The following HSPA12A variants were observed in gnomAD, a reference collection of about 807,000 sequenced individuals.
HSPA12A encodes heat shock protein family A (Hsp70) member 12A.
HSPA12A carries 28 observed loss-of-function variants against 69.2 expected under a neutral mutation model. The ratio of observed to expected loss-of-function variants is 0.40; its 90% CI spans 0.30 to 0.55. The LOEUF (loss-of-function observed/expected upper bound fraction) is 0.55. Ranked by LOEUF, HSPA12A falls within the 20% of genes least tolerant of loss-of-function variation. The probability of loss-of-function intolerance (pLI) is 0.38; values close to 1 mark genes in which losing one functional copy is unlikely to be tolerated. For synonymous variants in HSPA12A, 345 were observed against 370.5 expected, an observed-to-expected ratio of 0.93 and a Z score of 0.79; for missense variants, 686 against 900.7, an observed-to-expected ratio of 0.76 and a Z score of 3.05.
intron 2 of HSPA12A, among the ~76,000 whole-genome samples, chr10:116,754,361 G>C (rs1466824351): frequency 6.6e-6 from 1 of 152,168 alleles, no homozygotes; most frequent in Non-Finnish European, 1.5e-5. Flanking sequence ...CAAAAGATTT[G>C]TTATTTTCTA....
At chr10:116,847,179 G>A (rs757923321) in intron 1 of HSPA12A, among the ~76,000 whole-genome samples, 3 of 152,104 alleles carry the variant, frequency 2.0e-5, no homozygotes, top group South Asian at 2.1e-4. Flanking sequence ...TCCTATTTCC[G>A]TTAACTATCA....
At chr10:116,719,532 G>A (rs192921373) in intron 1 of HSPA12A, among the ~76,000 whole-genome samples, 27 of 152,258 alleles carry the variant, frequency 1.8e-4, no homozygotes, top group Middle Eastern at 3.4e-3. Context: ...ACAGGATCAG[G>A]TTTTCCATGC....
upstream of HSPA12A, among the ~76,000 whole-genome samples, chr10:116,746,836 G>A (rs1851660447): frequency 6.6e-6 from 1 of 152,034 alleles, no homozygotes; most frequent in Non-Finnish European, 1.5e-5. Flanking sequence ...TTATGTTTTT[G>A]TTAAGCTTAA....
upstream of HSPA12A, chr10:116,849,758 TC>T: frequency 6.8e-7 from 1 of 1,476,330 alleles, no homozygotes; most frequent in Non-Finnish European, 9.0e-7. Context: ...AGCGCTCTCC[TC>T]CCGCCAACCC....
chr10:116,734,519 T>C (rs200835577), intron 1 of HSPA12A, among the ~76,000 whole-genome samples: 1 of 151,436 alleles, frequency 6.6e-6, no homozygotes, highest in East Asian at 1.9e-4. Context: ...CATTTTCTTA[T>C]AGGGACAATG....
intron 2 of HSPA12A, among the ~76,000 whole-genome samples, chr10:116,786,981 C>T (rs941383387): frequency 1.1e-5 from 1 of 88,906 alleles, no homozygotes; most frequent in Admixed American, 1.5e-4. Context: ...AATCACCTCC[C>T]GGACACACAC....
rs138199223 is a variant in HSPA12A, at chr10:116,755,027, C to G, written c.92-47742G>C. Among the ~76,000 whole-genome samples, 25 of 152,226 alleles carry G rather than the reference C, an allele frequency of 1.6e-4. No individual in the cohort carries two copies. The East Asian group carries it at 4.5e-3, about 27-fold the overall frequency. On this transcript the variant is annotated intron_variant, in intron 2 of 12. Transcript: ENST00000635765. ...GGAGTGCAGTGGCACGATCTTAGCT[C>G]CCTGCAGCCTTTGCCTCCCATGTTC...
At chr10:116,700,153 A>T (rs1281094768) in intron 4 of HSPA12A, among the ~76,000 whole-genome samples, 2 of 152,222 alleles carry the variant, frequency 1.3e-5, no homozygotes, top group Admixed American at 6.5e-5. Context: ...CTTGGATTAC[A>T]TTTCTCAAAG....
chr10:116,723,264 T>C lies in HSPA12A; in HGVS notation c.41-15979A>G, dbSNP rs564283073. ...CCCTGCACAGCTGGGCTGTGTCCTC[T>C]GCCATCTGGGAAAGCCATCTGCCAT... is the stretch of plus-strand genomic sequence containing the variant. On this transcript the variant is annotated intron_variant, in intron 1 of 11. Coordinates refer to ENST00000369209, the MANE Select transcript of HSPA12A (RefSeq NM_025015.3). This position sits in a 1 kb window ranked among gnomAD's most constrained non-coding sequence, Gnocchi z 4.1. 1.6e-4 allele frequency among the ~76,000 whole-genome samples: 24 copies of C among 152,184 alleles called. No homozygotes were observed. The highest frequency in any genetic ancestry group is 5.3e-4 in the African/African-American group (22 of 41,534).
At chr10:116,775,753 G>A (rs1554891038) in intron 2 of HSPA12A, among the ~76,000 whole-genome samples, 1 of 152,162 alleles carries the variant, frequency 6.6e-6, no homozygotes, top group African/African-American at 2.4e-5. Flanking sequence ...GAAGTAACAG[G>A]GGGCTTTCAA....
intron 2 of HSPA12A, among the ~76,000 whole-genome samples, chr10:116,751,540 A>AGAAT (rs1851777416): frequency 6.6e-6 from 1 of 152,226 alleles, no homozygotes. Flanking sequence ...AAAAGCAGAG[A>AGAAT]GAATGCTATA....
intron 1 of HSPA12A, among the ~76,000 whole-genome samples, chr10:116,844,945 A>T (rs1341500927): frequency 1.3e-5 from 2 of 152,224 alleles, no homozygotes; most frequent in Non-Finnish European, 2.9e-5. Context: ...AGACTGAATA[A>T]GTGTTAACTT....
chr10:116,763,558 A>G (rs1295543354), intron 2 of HSPA12A, among the ~76,000 whole-genome samples: 2 of 152,270 alleles, frequency 1.3e-5, no homozygotes, highest in African/African-American at 4.8e-5. Context: ...AGCTTCCCAG[A>G]ATCTGGGTGG....
intron 6 of HSPA12A, among the ~76,000 whole-genome samples, chr10:116,692,137 G>A (rs1849753639): frequency 6.6e-6 from 1 of 152,218 alleles, no homozygotes; most frequent in Non-Finnish European, 1.5e-5. Context: ...CCCAGCTCTT[G>A]TTGTGGGACT....
intron 5 of HSPA12A, 72 bp from the exon 6 acceptor site, chr10:116,692,539 C>T: frequency 1.7e-6 from 2 of 1,158,762 alleles, no homozygotes; most frequent in Admixed American, 3.5e-5. Context: ...TGTGGCTTCA[C>T]TGAACCCAGG....
chr10:116,737,977 G>A (rs1156264925), intron 1 of HSPA12A, among the ~76,000 whole-genome samples: 2 of 152,204 alleles, frequency 1.3e-5, no homozygotes, highest in South Asian at 2.1e-4. Flanking sequence ...GGGGGTGCCC[G>A]CAGTGGCAGG....
In HSPA12A at chr10:116,693,896, C is replaced by T. The variant is rs1443304737; in HGVS notation, c.547-1429G>A. ...CTATTTTAAAACATCTTTCTAAAAA[C>T]ATCTCTGCTGTGGACCAACACAAAG... On this transcript the variant is annotated intron_variant, in intron 5 of 11. Coordinates refer to ENST00000369209, the MANE Select transcript of HSPA12A (RefSeq NM_025015.3). 2.0e-5 allele frequency among the ~76,000 whole-genome samples: 3 copies of T among 152,180 alleles called. No individual in the cohort carries two copies. In the East Asian group the frequency reaches 5.8e-4, roughly 29 times the overall value.
At chr10:116,680,378 CA>C (rs1849367700) in intron 9 of HSPA12A, among the ~76,000 whole-genome samples, 1 of 152,196 alleles carries the variant, frequency 6.6e-6, no homozygotes, top group South Asian at 2.1e-4. Context: ...CCAAGACATC[CA>C]AGGGCGGGGG....
At chr10:116,776,166 A>T (rs1844333154) in intron 2 of HSPA12A, among the ~76,000 whole-genome samples, 2 of 152,198 alleles carry the variant, frequency 1.3e-5, no homozygotes, top group South Asian at 4.2e-4. Context: ...TCCCTGCCTC[A>T]GCACCTCTGT....
Sources: allele counts gnomAD v4.1 joint callset (sites outside exome capture counted in the v4.1 genomes callset), GRCh38; gene constraint gnomAD v4.1.1; non-coding constraint Gnocchi (gnomAD v3.1); transcripts MANE v1.5; gene names NCBI Gene and HGNC (gene_info 2026-07-23, HGNC 2026-07-21).